PPP1R9A: variants seen among roughly 807,000 people sequenced by gnomAD.
PPP1R9A encodes the protein neurabin-1.
PPP1R9A carries 59 observed loss-of-function variants against 141.9 expected under a neutral mutation model. The observed-to-expected ratio is 0.42, with a 90% CI of 0.34 to 0.52. PPP1R9A has a LOEUF of 0.52. Ranked by LOEUF, PPP1R9A falls within the 20% of genes least tolerant of loss-of-function variation. The pLI is 0.10. For missense variants in PPP1R9A, 1,444 were observed against 1,611.9 expected (o/e 0.90, Z 1.78); for synonymous variants, 500 against 569.7 (o/e 0.88, Z 1.74).
intron 2 of PPP1R9A, among the ~76,000 whole-genome samples, chr7:94,972,726 C>A (rs1325183783): frequency 6.6e-6 from 1 of 152,040 alleles, no homozygotes; most frequent in Non-Finnish European, 1.5e-5. Context: ...CACTGGCAGC[C>A]TAGAGGAAGA....
chr7:94,998,593 T>C (rs1021146904), intron 2 of PPP1R9A, among the ~76,000 whole-genome samples: 1 of 152,204 alleles, frequency 6.6e-6, no homozygotes, highest in Non-Finnish European at 1.5e-5. Flanking sequence ...TATGGCGCAT[T>C]GAGTCCACAT....
chr7:95,005,129 C>T (rs1021025446), intron 2 of PPP1R9A, among the ~76,000 whole-genome samples: 4 of 152,004 alleles, frequency 2.6e-5, no homozygotes, highest in Non-Finnish European at 5.9e-5. Context: ...TTGTTTTGCT[C>T]AATGTTGTAT....
chr7:94,909,706 C>CTTT (rs34862598), intron 1 of PPP1R9A, among the ~76,000 whole-genome samples, 192 bp from the exon 2 acceptor site: 13 of 128,538 alleles, frequency 1.0e-4, no homozygotes, highest in East Asian at 4.5e-4. Flanking sequence ...GTGTTTGGAA[C>CTTT]TTTTTTTTTT....
At chr7:95,069,025 T>C (rs1813384119) in intron 2 of PPP1R9A, among the ~76,000 whole-genome samples, 1 of 152,218 alleles carries the variant, frequency 6.6e-6, no homozygotes, top group African/African-American at 2.4e-5. Flanking sequence ...CTGTCTACTT[T>C]AAACCATCTC....
At chr7:95,062,194 C>G (rs1003238792) in intron 2 of PPP1R9A, among the ~76,000 whole-genome samples, 1 of 152,078 alleles carries the variant, frequency 6.6e-6, no homozygotes, top group Non-Finnish European at 1.5e-5. Flanking sequence ...GAGCAATCTG[C>G]CTGAGACTGT....
chr7:95,064,538 A>C (rs1812692038), intron 2 of PPP1R9A, among the ~76,000 whole-genome samples: 1 of 152,232 alleles, frequency 6.6e-6, no homozygotes, highest in South Asian at 2.1e-4. Context: ...ACATTTGCTT[A>C]CAGAATAAGA....
At chr7:95,249,607 C>T (rs1798595644) in intron 9 of PPP1R9A, among the ~76,000 whole-genome samples, 1 of 152,032 alleles carries the variant, frequency 6.6e-6, no homozygotes, top group South Asian at 2.1e-4. Context: ...GCTTCTAACT[C>T]CTCTCTCCTC....
chr7:95,254,355 C>T (rs1008718395), intron 12 of PPP1R9A, among the ~76,000 whole-genome samples: 1 of 152,180 alleles, frequency 6.6e-6, no homozygotes, highest in Non-Finnish European at 1.5e-5. Flanking sequence ...CTGGAAAGCA[C>T]TTTTCTAAAT....
At chr7:95,108,375 G>A (rs534930804) in intron 2 of PPP1R9A, among the ~76,000 whole-genome samples, 7 of 138,432 alleles carry the variant, frequency 5.1e-5, no homozygotes, top group South Asian at 4.7e-4. Context: ...GTGCAGTGGC[G>A]CGGGAGCTCA....
chr7:94,959,927 A>G (rs1040401803), intron 2 of PPP1R9A, among the ~76,000 whole-genome samples: 1 of 151,764 alleles, frequency 6.6e-6, no homozygotes, highest in African/African-American at 2.4e-5. Context: ...AATTTGAGCA[A>G]GATGTTCATC....
intron 2 of PPP1R9A, among the ~76,000 whole-genome samples, chr7:94,976,986 T>TG (rs1273087524): frequency 6.6e-6 from 1 of 152,162 alleles, no homozygotes; most frequent in Non-Finnish European, 1.5e-5. Context: ...AGATCCAACT[T>TG]GGCTAACAGA....
intron 7 of PPP1R9A, among the ~76,000 whole-genome samples, chr7:95,212,742 A>G (rs1371388283): frequency 1.3e-5 from 2 of 152,082 alleles, no homozygotes; most frequent in African/African-American, 4.8e-5. Flanking sequence ...GTAATTATTG[A>G]TCCTGCTGTA....
Position 95,251,765 on chromosome 7 carries a change from G to A in PPP1R9A, c.2400G>A (p.Glu800=). The part of the protein sequence containing the change: ...KKLIKDFQQK[E]LDFIKRQEAE... Reference sequence around the variant, plus strand: ...GAACTATTATTTTCTTCTTAAGAGAGCTTGATTTCATCAAAAGACAGGAAG... The same window carrying A: ...GAACTATTATTTTCTTCTTAAGAGAACTTGATTTCATCAAAAGACAGGAAG... The change falls in exon 11 of 20, where the codon GAG becomes GAA. Residue 800 remains glutamate (E), a synonymous_variant. Transcript: ENST00000433360. 4 of 1,612,246 alleles carry A rather than the reference G, an allele frequency of 2.5e-6. No homozygotes were observed. The highest frequency in any genetic ancestry group is 1.1e-5 in the South Asian group (1 of 91,026).
intron 6 of PPP1R9A, among the ~76,000 whole-genome samples, chr7:95,199,256 T>G (rs1788996299): frequency 6.6e-6 from 1 of 152,174 alleles, no homozygotes; most frequent in Non-Finnish European, 1.5e-5. Context: ...GTTTAAACAT[T>G]CATGTGTTTC....
chr7:95,190,582 T>C (rs950310514), intron 5 of PPP1R9A, among the ~76,000 whole-genome samples: 2 of 152,188 alleles, frequency 1.3e-5, no homozygotes, highest in African/African-American at 4.8e-5. Flanking sequence ...TGAAATTAGC[T>C]GTTGTCTTCT....
chr7:95,253,795 G>A (rs1251301148), intron 12 of PPP1R9A, among the ~76,000 whole-genome samples: 1 of 151,610 alleles, frequency 6.6e-6, no homozygotes, highest in Non-Finnish European at 1.5e-5. Context: ...AAAAACATCA[G>A]GAATCAAACC....
chr7:95,260,329 A>T (rs987502361), intron 12 of PPP1R9A, among the ~76,000 whole-genome samples: 1 of 152,178 alleles, frequency 6.6e-6, no homozygotes, highest in Non-Finnish European at 1.5e-5. Context: ...CTGCATCTTC[A>T]TAAGTTCGTA....
At chr7:95,263,684 A>G (rs1800802641) in intron 12 of PPP1R9A, among the ~76,000 whole-genome samples, 2 of 152,304 alleles carry the variant, frequency 1.3e-5, no homozygotes, top group South Asian at 4.1e-4. Flanking sequence ...TGCTGAGATT[A>G]CAGGCATGGC....
In PPP1R9A at chr7:94,935,638, G is replaced by A. The variant is rs150386384; in HGVS notation, c.1395+24130G>A. 1.1e-4 allele frequency among the ~76,000 whole-genome samples: 16 copies of A among 152,252 alleles called. No homozygotes were observed. The East Asian group carries it at 3.1e-3, about 29-fold the overall frequency. ...AAAAACAGAATTATTCTTTTGAATTGCGTTTCATAAGTTCAGTTCTTATTG... is the reference window on the plus strand; with the variant it reads ...AAAAACAGAATTATTCTTTTGAATTACGTTTCATAAGTTCAGTTCTTATTG... On this transcript the variant is annotated intron_variant, in intron 2 of 19. Transcript: ENST00000433360.
Sources: allele counts gnomAD v4.1 joint callset (sites outside exome capture counted in the v4.1 genomes callset), GRCh38; gene constraint gnomAD v4.1.1; transcripts MANE v1.5; gene names NCBI Gene and HGNC (gene_info 2026-07-23, HGNC 2026-07-21).